Variants in CHMP4C observed in about 807,000 individuals in gnomAD.
The protein encoded by CHMP4C is charged multivesicular body protein 4C, also known as SNF7 homolog associated with Alix 3.
CHMP4C carries 28 observed loss-of-function variants against 29.0 expected under a neutral mutation model. The ratio of observed to expected loss-of-function variants is 0.97; its 90% CI spans 0.72 to 1.32. The LOEUF (loss-of-function observed/expected upper bound fraction) is 1.32, where lower values mean the gene tolerates loss of function less well. Ranked by LOEUF, CHMP4C falls within the 40% of genes most tolerant of loss-of-function variation. The pLI, the probability that CHMP4C is intolerant of heterozygous loss-of-function variation, is 0.00. For synonymous variants in CHMP4C, 106 were observed against 102.4 expected (o/e 1.04, Z -0.21); for missense variants, 291 against 281.0 (o/e 1.04, Z -0.25).
rs1488827143 is a variant in CHMP4C, at chr8:81,758,582, T to C, written c.*38T>C. On this transcript the variant is annotated 3_prime_UTR_variant, in exon 5 of 5. Coordinates refer to ENST00000297265, the MANE Select transcript of CHMP4C (RefSeq NM_152284.4). ...TTTTGATACCTAAATTAATGAGCTA[T>C]AGATAAAATATAAAAAATGTTTTTA... 3 of 1,302,332 alleles carry C rather than the reference T, an allele frequency of 2.3e-6. No individual in the cohort carries two copies. The highest frequency in any genetic ancestry group is 3.3e-6 in the Non-Finnish European group (3 of 903,914). 80.7% of individuals were successfully genotyped at this position (1,302,332 alleles called of 1,614,324 possible). A position where few individuals can be genotyped will look rare whatever the true frequency, so the allele number is the denominator to read the frequency against.
intron 1 of CHMP4C, among the ~76,000 whole-genome samples, chr8:81,733,505 G>C (rs1808645564): frequency 6.6e-6 from 1 of 151,756 alleles, no homozygotes; most frequent in Admixed American, 6.6e-5. Flanking sequence ...GCTTTAGCTG[G>C]ATGTTCGGCA....
chr8:81,754,825 C>T (rs944013832), intron 2 of CHMP4C, among the ~76,000 whole-genome samples: 3 of 152,190 alleles, frequency 2.0e-5, no homozygotes, highest in Non-Finnish European at 4.4e-5. Context: ...AGGTTTAATC[C>T]TGCTCTCTTT....
At chr8:81,751,716 T>C (rs1204086714) in intron 1 of CHMP4C, among the ~76,000 whole-genome samples, 1 of 152,102 alleles carries the variant, frequency 6.6e-6, no homozygotes, top group Non-Finnish European at 1.5e-5. Context: ...ACAGTACTGA[T>C]AGCATAGCAG....
rs1808637650 is a variant in CHMP4C at position 81,732,910 on chromosome 8, C to T, written c.190+94C>T. 21 of 1,211,332 alleles carry T rather than the reference C, an allele frequency of 1.7e-5. No homozygotes were observed. In the South Asian group the frequency reaches 3.2e-4, roughly 19 times the overall value. 75.0% of individuals were successfully genotyped at this position (1,211,332 alleles called of 1,614,324 possible). The stretch of plus-strand genomic sequence containing the variant: ...CCACACCACTGAGGTCCCCAGGTGG[C>T]CAGGTTTGCTCCTGCAGTCTTTTCT... On this transcript the variant is annotated intron_variant, in intron 1 of 4. Coordinates refer to ENST00000297265, the MANE Select transcript of CHMP4C (RefSeq NM_152284.4).
At chr8:81,754,955 C>T (rs1808951624) in intron 2 of CHMP4C, among the ~76,000 whole-genome samples, 1 of 152,062 alleles carries the variant, frequency 6.6e-6, no homozygotes, top group South Asian at 2.1e-4. Context: ...CAAAGGGCCG[C>T]TGTCAGATAG....
chr8:81,736,887 A>G (rs151074833), intron 1 of CHMP4C, among the ~76,000 whole-genome samples: 1 of 152,356 alleles, frequency 6.6e-6, no homozygotes, highest in African/African-American at 2.4e-5. Context: ...TACTACTCAT[A>G]GTACAGGGGT....
intron 1 of CHMP4C, among the ~76,000 whole-genome samples, chr8:81,736,968 C>G (rs527422956): frequency 3.3e-5 from 5 of 152,142 alleles, no homozygotes; most frequent in Non-Finnish European, 7.3e-5. Context: ...TTTGAGTAAA[C>G]ATGAACAAAT....
intron 2 of CHMP4C, among the ~76,000 whole-genome samples, chr8:81,754,172 C>A (rs1808943640): frequency 6.6e-6 from 1 of 152,100 alleles, no homozygotes; most frequent in South Asian, 2.1e-4. Flanking sequence ...CAATCAGCCT[C>A]CATTTTGACA....
At chr8:81,734,655 A>C (rs1369638520) in intron 1 of CHMP4C, among the ~76,000 whole-genome samples, 1 of 152,192 alleles carries the variant, frequency 6.6e-6, no homozygotes, top group Non-Finnish European at 1.5e-5. Flanking sequence ...AATCTAAAAA[A>C]TTGACCATTT....
chr8:81,754,580 G>A (rs1199482685), intron 2 of CHMP4C, among the ~76,000 whole-genome samples: 1 of 152,128 alleles, frequency 6.6e-6, no homozygotes, highest in Non-Finnish European at 1.5e-5. Flanking sequence ...GACATTGTCA[G>A]TTCTCTTATA....
rs961567646 is a variant in CHMP4C at position 81,732,620 on chromosome 8, C to T, written c.-7C>T. 4.5e-6 allele frequency: 7 copies of T among 1,544,232 alleles called. No homozygotes were observed. In the African/African-American group the frequency reaches 5.5e-5, roughly 12 times the overall value. ...CCGGGATCGCTGGCCCTCCGAACTC[C>T]ACAGCAATGAGCAAGTTGGGCAAGT... On this transcript the variant is annotated 5_prime_UTR_variant, in exon 1 of 5. Transcript: ENST00000297265.
At chr8:81,740,196 C>A (rs959919525) in intron 1 of CHMP4C, among the ~76,000 whole-genome samples, 7 of 152,176 alleles carry the variant, frequency 4.6e-5, no homozygotes. Context: ...ATGATAGCAA[C>A]CGTGTTTCAT....
intron 1 of CHMP4C, among the ~76,000 whole-genome samples, chr8:81,742,454 C>T (rs914688592): frequency 6.6e-6 from 1 of 152,162 alleles, no homozygotes; most frequent in Non-Finnish European, 1.5e-5. Flanking sequence ...ATAAAGTTTA[C>T]ATGTGTATGT....
At chr8:81,737,591 T>G (rs947690773) in intron 1 of CHMP4C, among the ~76,000 whole-genome samples, 1 of 152,232 alleles carries the variant, frequency 6.6e-6, no homozygotes, top group South Asian at 2.1e-4. Flanking sequence ...GGTGTTGTAG[T>G]TAAGAGCCTG....
chr8:81,758,357 T>C, intron 4 of CHMP4C, 62 bp downstream of exon 4: 1 of 1,590,822 alleles, frequency 6.3e-7, no homozygotes, highest in Non-Finnish European at 8.6e-7. Context: ...GCCAGGCCCA[T>C]TCTTTTTAGC....
chr8:81,739,897 C>T (rs1215826257), intron 1 of CHMP4C, among the ~76,000 whole-genome samples: 1 of 152,160 alleles, frequency 6.6e-6, no homozygotes, highest in East Asian at 1.9e-4. Context: ...AAACTCCCAG[C>T]CAAATTATTC....
chr8:81,750,839 A>T (rs1808892908), intron 1 of CHMP4C, among the ~76,000 whole-genome samples: 1 of 152,134 alleles, frequency 6.6e-6, no homozygotes, highest in African/African-American at 2.4e-5. Context: ...GAGCCTTCAG[A>T]CCGAAAATAC....
intron 1 of CHMP4C, among the ~76,000 whole-genome samples, chr8:81,736,080 T>C (rs1808685175): frequency 6.9e-6 from 1 of 144,778 alleles, no homozygotes; most frequent in Non-Finnish European, 1.5e-5. Flanking sequence ...AGTCAGACTA[T>C]GTCTCAATAA....
intron 1 of CHMP4C, among the ~76,000 whole-genome samples, chr8:81,735,732 A>C (rs1002247487): frequency 9.2e-5 from 14 of 152,230 alleles, no homozygotes; most frequent in African/African-American, 2.9e-4. Flanking sequence ...CTTTGACAGC[A>C]TTCTAAATGT....
Sources: allele counts gnomAD v4.1 joint callset (sites outside exome capture counted in the v4.1 genomes callset), GRCh38; gene constraint gnomAD v4.1.1; transcripts MANE v1.5; gene names NCBI Gene and HGNC (gene_info 2026-07-23, HGNC 2026-07-21).